The following ELAVL2 variants were observed in gnomAD, a reference collection of about 807,000 sequenced individuals.
The protein encoded by ELAVL2 is ELAV like RNA binding protein 2.
Under a neutral mutation model 34.6 loss-of-function variants are expected in ELAVL2, and 4 were observed. The ratio of observed to expected loss-of-function variants is 0.12; its 90% CI spans 0.06 to 0.26. The LOEUF (loss-of-function observed/expected upper bound fraction) is 0.26. Among genes scored for constraint, ELAVL2 ranks in the 10% least tolerant of loss-of-function variants. The pLI, the probability that ELAVL2 is intolerant of heterozygous loss-of-function variation, is 1.00. For missense variants in ELAVL2, 432 were observed against 442.8 expected (o/e 0.98, Z 0.22); for synonymous variants, 193 against 154.8 (o/e 1.25, Z -1.83).
At chr9:23,844,868 C>T in the ELAVL2 span, among the ~76,000 whole-genome samples, 1 of 151,906 alleles carries the variant, frequency 6.6e-6, no homozygotes, top group Non-Finnish European at 1.5e-5. Flanking sequence ...AATGTGATGA[C>T]TTCATATTCA....
intron 1 of ELAVL2, among the ~76,000 whole-genome samples, chr9:23,762,994 G>A (rs953935650): frequency 3.3e-5 from 5 of 152,022 alleles, no homozygotes; most frequent in African/African-American, 1.2e-4. Context: ...CCAACAAGGT[G>A]ACTGATCTAC....
At chr9:23,759,741 A>T (rs1170253129) in intron 2 of ELAVL2, among the ~76,000 whole-genome samples, 2 of 109,336 alleles carry the variant, frequency 1.8e-5, no homozygotes, top group Admixed American at 1.1e-4. Context: ...ATGTGTATAC[A>T]TCATATATAG....
At chr9:23,718,241 T>G (rs1235413579) in intron 3 of ELAVL2, among the ~76,000 whole-genome samples, 2 of 152,154 alleles carry the variant, frequency 1.3e-5, no homozygotes, top group Admixed American at 6.5e-5. Flanking sequence ...ATGTTTTATG[T>G]CAACAATCCC....
intron 2 of ELAVL2, among the ~76,000 whole-genome samples, chr9:23,750,002 T>G (rs1588074867): frequency 6.7e-6 from 1 of 148,264 alleles, no homozygotes; most frequent in Non-Finnish European, 1.5e-5. Context: ...ATGAACACAG[T>G]GGCCTCCAAG....
chr9:23,749,412 T>C (rs185641411), intron 2 of ELAVL2, among the ~76,000 whole-genome samples: 8 of 152,260 alleles, frequency 5.3e-5, no homozygotes, highest in Admixed American at 5.2e-4. Context: ...TGTAAGCCAG[T>C]TATTTGTTAA....
chr9:23,775,817 G>C (rs530598724), intron 1 of ELAVL2, among the ~76,000 whole-genome samples: 1 of 152,216 alleles, frequency 6.6e-6, no homozygotes, highest in South Asian at 2.1e-4. Flanking sequence ...TTCTCCACCT[G>C]CAACAGCCTA....
chr9:23,827,500 C>A (rs1268180888), upstream of ELAVL2, among the ~76,000 whole-genome samples: 2 of 152,014 alleles, frequency 1.3e-5, no homozygotes, highest in African/African-American at 4.8e-5. Context: ...AAGATAGCAC[C>A]AACTTCCTAG....
chr9:23,694,970 A>C (rs913048214), intron 5 of ELAVL2, among the ~76,000 whole-genome samples: 2 of 152,210 alleles, frequency 1.3e-5, no homozygotes, highest in Non-Finnish European at 2.9e-5. Context: ...TGTGATGACC[A>C]AATAAAGACA....
rs550911900 is a variant in ELAVL2, at chr9:23,745,251, G to C, written c.230-14126C>G. Among the ~76,000 whole-genome samples, 9 of 152,190 alleles carry C rather than the reference G, an allele frequency of 5.9e-5. No individual in the cohort carries two copies. The South Asian group carries it at 1.9e-3, about 32-fold the overall frequency. On this transcript the variant is annotated intron_variant, in intron 2 of 6. Coordinates refer to ENST00000397312, the MANE Select transcript of ELAVL2 (RefSeq NM_004432.5). ...AATCAAATAACCAGGAACTATGGTAGATTTTTACAATCCCCAAAGAAGAAT... is the reference window on the plus strand; with the variant it reads ...AATCAAATAACCAGGAACTATGGTACATTTTTACAATCCCCAAAGAAGAAT...
intron 1 of ELAVL2, among the ~76,000 whole-genome samples, chr9:23,822,679 G>A (rs937571320): frequency 6.6e-6 from 1 of 152,226 alleles, no homozygotes; most frequent in Non-Finnish European, 1.5e-5. Context: ...GAGAGCACCT[G>A]TAGTTGGGAT....
intron 3 of ELAVL2, among the ~76,000 whole-genome samples, chr9:23,709,572 C>G (rs1322339833): frequency 6.6e-6 from 1 of 152,098 alleles, no homozygotes; most frequent in African/African-American, 2.4e-5. Context: ...ACTAAACTCC[C>G]TTGAAGGCCC....
At chr9:23,741,485 C>A (rs1329748005) in intron 2 of ELAVL2, among the ~76,000 whole-genome samples, 1 of 152,092 alleles carries the variant, frequency 6.6e-6, no homozygotes, top group Non-Finnish European at 1.5e-5. Context: ...CACCCACATT[C>A]TTTTTCCTTC....
Position 23,807,691 on chromosome 9 carries a change from T to A in ELAVL2, c.-16+18115A>T, listed in dbSNP as rs185457535. ...GGTCATTCATAAACAAACCAAATAATCCAATCAATGACAAAACACAACTGT... is the reference window on the plus strand; with the variant it reads ...GGTCATTCATAAACAAACCAAATAAACCAATCAATGACAAAACACAACTGT... On this transcript the variant is annotated intron_variant, in intron 1 of 6. Coordinates refer to ENST00000397312, the MANE Select transcript of ELAVL2 (RefSeq NM_004432.5). Among the ~76,000 whole-genome samples the A allele has an allele frequency of 1.9e-3, 294 of 152,234 alleles. 1 individual carries two copies. The highest frequency in any genetic ancestry group is 2.9e-3 in the Non-Finnish European group (199 of 68,000).
intron 1 of ELAVL2, among the ~76,000 whole-genome samples, chr9:23,822,710 C>T (rs2064989307): frequency 6.6e-6 from 1 of 152,222 alleles, no homozygotes; most frequent in Non-Finnish European, 1.5e-5. Flanking sequence ...GCAAAGGCAT[C>T]GATTTTAGCC....
intron 5 of ELAVL2, among the ~76,000 whole-genome samples, chr9:23,700,665 C>T (rs1237965712): frequency 6.6e-6 from 1 of 152,116 alleles, no homozygotes; most frequent in Non-Finnish European, 1.5e-5. Context: ...CAACAGTGAC[C>T]ATAACCCATA....
At chr9:23,724,447 T>A (rs1015107399) in intron 3 of ELAVL2, among the ~76,000 whole-genome samples, 1 of 152,062 alleles carries the variant, frequency 6.6e-6, no homozygotes, top group Admixed American at 6.6e-5. Context: ...GACAGGACAT[T>A]CAAGCTCTGG....
chr9:23,842,676 CAAAA>C, the ELAVL2 span, among the ~76,000 whole-genome samples: 1 of 151,916 alleles, frequency 6.6e-6, no homozygotes, highest in Non-Finnish European at 1.5e-5. Flanking sequence ...GAAAAACAAA[CAAAA>C]AGAATATTTC....
intron 1 of ELAVL2, among the ~76,000 whole-genome samples, chr9:23,794,076 T>C (rs1013607413): frequency 2.0e-4 from 31 of 152,332 alleles, no homozygotes; most frequent in African/African-American, 7.0e-4. Context: ...AGTTCTTTCA[T>C]CATTGTGATC....
chr9:23,713,801 A>G (rs539268745), intron 3 of ELAVL2, among the ~76,000 whole-genome samples: 1 of 152,310 alleles, frequency 6.6e-6, no homozygotes, highest in African/African-American at 2.4e-5. Context: ...TACACAGCAT[A>G]CTATGAAACT....
Sources: gnomAD v4.1 joint callset for allele counts (sites outside exome capture counted in the v4.1 genomes callset) on GRCh38, gnomAD v4.1.1 for gene constraint, MANE v1.5 for transcripts, NCBI Gene and HGNC (gene_info 2026-07-23, HGNC 2026-07-21) for gene names.